HTR7: variants seen among roughly 807,000 people sequenced by gnomAD.
HTR7 encodes the protein 5-hydroxytryptamine receptor 7.
Under a neutral mutation model 34.0 loss-of-function variants are expected in HTR7, and 16 were observed. That is an observed-to-expected ratio of 0.47 (90% CI 0.32 to 0.71). HTR7 has a LOEUF of 0.71. Among genes scored for constraint, HTR7 ranks in the 30% least tolerant of loss-of-function variants. The pLI, the probability that HTR7 is intolerant of heterozygous loss-of-function variation, is 0.04. For missense variants in HTR7, 504 were observed against 625.5 expected, an observed-to-expected ratio of 0.81 and a Z score of 2.07; for synonymous variants, 265 against 260.2, an observed-to-expected ratio of 1.02 and a Z score of -0.18.
chr10:90,786,351 T>C (rs1845380505), intron 1 of HTR7, among the ~76,000 whole-genome samples: 1 of 152,116 alleles, frequency 6.6e-6, no homozygotes, highest in African/African-American at 2.4e-5. Context: ...CATGGTTCTC[T>C]ATGCAGGCCA....
At chr10:90,838,809 T>C (rs555705705) in intron 1 of HTR7, among the ~76,000 whole-genome samples, 39 of 152,314 alleles carry the variant, frequency 2.6e-4, no homozygotes, top group African/African-American at 9.4e-4. Context: ...CAGTTACATG[T>C]CACCTCCTCA....
chr10:90,816,555 T>C (rs553942100), intron 1 of HTR7, among the ~76,000 whole-genome samples: 14 of 152,356 alleles, frequency 9.2e-5, no homozygotes, highest in Non-Finnish European at 1.8e-4. Context: ...TAGTTAGCTC[T>C]CTCATGGAAT....
intron 1 of HTR7, among the ~76,000 whole-genome samples, chr10:90,839,004 GGA>G (rs1846289998): frequency 6.6e-6 from 1 of 152,116 alleles, no homozygotes; most frequent in African/African-American, 2.4e-5. Flanking sequence ...CTTATGATAA[GGA>G]AGACTAACCA....
At chr10:90,844,250 ACC>A (rs1419122569) in intron 1 of HTR7, among the ~76,000 whole-genome samples, 1 of 152,162 alleles carries the variant, frequency 6.6e-6, no homozygotes, top group Non-Finnish European at 1.5e-5. Flanking sequence ...TAGTGCCCAA[ACC>A]TATCTGCACA....
At chr10:90,818,160 C>A (rs1269373916) in intron 1 of HTR7, among the ~76,000 whole-genome samples, 1 of 152,128 alleles carries the variant, frequency 6.6e-6, no homozygotes, top group African/African-American at 2.4e-5. Context: ...GAGGTGGGGC[C>A]AAATGGGAGG....
At chr10:90,831,589 C>G (rs962526897) in intron 1 of HTR7, among the ~76,000 whole-genome samples, 1 of 152,224 alleles carries the variant, frequency 6.6e-6, no homozygotes, top group African/African-American at 2.4e-5. Context: ...CCACTGCTGG[C>G]TCGCGCAGCC....
At chr10:90,783,841 C>T (rs374733308) in intron 1 of HTR7, among the ~76,000 whole-genome samples, 8 of 152,300 alleles carry the variant, frequency 5.3e-5, no homozygotes, top group African/African-American at 1.9e-4. Context: ...CTGCCTGGGT[C>T]TTCTTTTCTC....
intron 1 of HTR7, among the ~76,000 whole-genome samples, chr10:90,755,849 TG>T (rs550608985): frequency 9.5e-4 from 144 of 152,350 alleles, no homozygotes; most frequent in African/African-American, 3.3e-3. Flanking sequence ...ACACACTCTA[TG>T]ATCTAGCAAT....
rs553989380 is a variant in HTR7, at chr10:90,799,345, G to C, written c.540-49751C>G. 6.0e-3 allele frequency among the ~76,000 whole-genome samples: 401 copies of C among 66,766 alleles called. 2 individuals carry two copies. Among genetic ancestry groups the C allele is most frequent in the South Asian group, 0.01 (24 of 2,336 alleles). 43.8% of individuals were successfully genotyped at this position (66,766 alleles called of 152,430 possible). ...CCCGCACAGCCGGCTCTGCATGAAT[G>C]AATGAATGAATGAATGAATGAATGA... On this transcript the variant is annotated intron_variant, in intron 1 of 3. Coordinates refer to ENST00000336152, the MANE Select transcript of HTR7 (RefSeq NM_019859.4).
chr10:90,820,452 C>T (rs1845962099), intron 1 of HTR7, among the ~76,000 whole-genome samples: 1 of 152,092 alleles, frequency 6.6e-6, no homozygotes, highest in Admixed American at 6.6e-5. Flanking sequence ...CTGGACACTC[C>T]CAGACATCCT....
In HTR7 at chr10:90,749,616, A is replaced by T; in HGVS notation, c.540-22T>A. 1 of 1,583,784 alleles carries T rather than the reference A, an allele frequency of 6.3e-7. No individual in the cohort carries two copies. The highest frequency in any genetic ancestry group is 8.6e-7 in the Non-Finnish European group (1 of 1,163,546). ...GTACCTAGTGGAGAGATGGAAAGAT[A>T]ACAGATGAACACCGTGATCATAACT... On this transcript the variant is annotated intron_variant, in intron 1 of 3. Coordinates refer to ENST00000336152, the MANE Select transcript of HTR7 (RefSeq NM_019859.4). This position sits in a 1 kb window ranked among gnomAD's most constrained non-coding sequence, Gnocchi z 4.2.
chr10:90,758,475 C>T (rs1329718116), intron 1 of HTR7, among the ~76,000 whole-genome samples: 2 of 151,246 alleles, frequency 1.3e-5, no homozygotes, highest in Admixed American at 6.6e-5. Flanking sequence ...TTTATTCAAG[C>T]AATTAGAAGG....
intron 1 of HTR7, among the ~76,000 whole-genome samples, chr10:90,827,152 G>T (rs1014395503): frequency 2.0e-5 from 3 of 150,600 alleles, no homozygotes; most frequent in African/African-American, 7.3e-5. Context: ...AGGAAGAGAA[G>T]AACACAAAAC....
At chr10:90,775,295 G>A (rs1276720428) in intron 1 of HTR7, among the ~76,000 whole-genome samples, 1 of 152,200 alleles carries the variant, frequency 6.6e-6, no homozygotes, top group East Asian at 1.9e-4. Context: ...GGTGATTTCA[G>A]GCCGTGCTCG....
At chr10:90,747,405 A>T (rs1380296129) in intron 2 of HTR7, among the ~76,000 whole-genome samples, 1 of 152,174 alleles carries the variant, frequency 6.6e-6, no homozygotes, top group Admixed American at 6.5e-5. Context: ...CTAGAACTTA[A>T]AATTACATTT....
At chr10:90,841,171 G>A (rs1179006997) in intron 1 of HTR7, among the ~76,000 whole-genome samples, 2 of 152,196 alleles carry the variant, frequency 1.3e-5, no homozygotes, top group African/African-American at 2.4e-5. Context: ...GTAAAACAGC[G>A]ATAATAAAAG....
At chr10:90,832,929 C>T (rs1475784253) in intron 1 of HTR7, among the ~76,000 whole-genome samples, 1 of 152,216 alleles carries the variant, frequency 6.6e-6, no homozygotes, top group East Asian at 1.9e-4. Flanking sequence ...GTCCACTCTC[C>T]ACCTTCCCAC....
intron 1 of HTR7, among the ~76,000 whole-genome samples, chr10:90,804,910 G>A (rs1845680381): frequency 6.6e-6 from 1 of 152,148 alleles, no homozygotes; most frequent in Admixed American, 6.5e-5. Context: ...GACAATCTAA[G>A]ATCTTTTGGG....
At chr10:90,762,289 G>A (rs1199689001) in intron 1 of HTR7, among the ~76,000 whole-genome samples, 8 of 152,028 alleles carry the variant, frequency 5.3e-5, no homozygotes, top group Admixed American at 3.3e-4. Context: ...GCATCCTCAC[G>A]AACACTCGTT....
Sources: allele counts gnomAD v4.1 joint callset (sites outside exome capture counted in the v4.1 genomes callset), GRCh38; gene constraint gnomAD v4.1.1; non-coding constraint Gnocchi (gnomAD v3.1); transcripts MANE v1.5; gene names NCBI Gene and HGNC (gene_info 2026-07-23, HGNC 2026-07-21).